KCTD5: variants seen among roughly 807,000 people sequenced by gnomAD.
KCTD5 encodes potassium channel tetramerization domain containing 5.
KCTD5 carries 12 observed loss-of-function variants against 27.9 expected under a neutral mutation model. That is an observed-to-expected ratio of 0.43 (90% CI 0.28 to 0.70). KCTD5 has a LOEUF of 0.70. Among genes scored for constraint, KCTD5 ranks in the 30% least tolerant of loss-of-function variants. KCTD5 has a pLI of 0.19. For synonymous variants in KCTD5, 147 were observed against 121.4 expected, an observed-to-expected ratio of 1.21 and a Z score of -1.39; for missense variants, 226 against 274.8, an observed-to-expected ratio of 0.82 and a Z score of 1.26.
At chr16:2,703,366 G>A (rs991729061) in intron 5 of KCTD5, among the ~76,000 whole-genome samples, 2 of 152,262 alleles carry the variant, frequency 1.3e-5, no homozygotes, top group Non-Finnish European at 2.9e-5. Context: ...AGCCTGGGTG[G>A]TGGGGCGGGC....
At chr16:2,688,584 G>A (rs1340568662) in intron 1 of KCTD5, among the ~76,000 whole-genome samples, 7 of 148,428 alleles carry the variant, frequency 4.7e-5, no homozygotes, top group East Asian at 4.0e-4. Flanking sequence ...TTCCCCTCCC[G>A]CAGCCACACT....
At chr16:2,688,021 A>G (rs748376395) in intron 1 of KCTD5, among the ~76,000 whole-genome samples, 3 of 151,560 alleles carry the variant, frequency 2.0e-5, no homozygotes, top group Non-Finnish European at 4.4e-5. Context: ...CTGCCTTATG[A>G]CTTGGGGTGA....
intron 2 of KCTD5, chr16:2,697,168 C>G (rs910510905): frequency 6.6e-6 from 1 of 152,510 alleles, no homozygotes; most frequent in African/African-American, 2.4e-5. Flanking sequence ...TGGCCCTGTC[C>G]CATGTAGGTG....
chr16:2,690,935 G>A (rs1389575220), intron 1 of KCTD5, among the ~76,000 whole-genome samples: 1 of 152,222 alleles, frequency 6.6e-6, no homozygotes, highest in Non-Finnish European at 1.5e-5. Context: ...CAGGGTGGAG[G>A]CTGATCCACA....
intron 3 of KCTD5, 87 bp from the exon 4 acceptor site, chr16:2,699,734 C>T: frequency 8.0e-7 from 1 of 1,244,786 alleles, no homozygotes; most frequent in Admixed American, 1.7e-5. Flanking sequence ...GAGTGGACCT[C>T]AGCCTCCCTG....
chr16:2,690,241 C>T (rs115405593), intron 1 of KCTD5, among the ~76,000 whole-genome samples: 4,375 of 152,340 alleles, frequency 0.029, 220 homozygotes, highest in African/African-American at 0.1. Context: ...AGTCTTCCTC[C>T]GTCTGCCAGG....
rs566686553 is a variant in KCTD5 at position 2,701,741 on chromosome 16, C to T, written c.550-612C>T. ...GATTTGCGTATTGCCTTTTAATTTT[C>T]CCTTTAAAAGCACAGAAGTGCCTGG... is the stretch of plus-strand genomic sequence containing the variant. On this transcript the variant is annotated intron_variant, in intron 4 of 5. Coordinates refer to ENST00000301738, the MANE Select transcript of KCTD5 (RefSeq NM_018992.4). Among the ~76,000 whole-genome samples, 4 of 152,332 alleles carry T rather than the reference C, an allele frequency of 2.6e-5. No homozygotes were observed. In the South Asian group the frequency reaches 6.2e-4, roughly 24 times the overall value.
chr16:2,687,317 C>T (rs758002962), intron 1 of KCTD5, among the ~76,000 whole-genome samples: 7 of 152,198 alleles, frequency 4.6e-5, no homozygotes, highest in Non-Finnish European at 7.3e-5. Flanking sequence ...GAGCTTGTTT[C>T]GGGGCACCTG....
At chr16:2,686,900 C>T (rs1355326308) in intron 1 of KCTD5, among the ~76,000 whole-genome samples, 3 of 152,324 alleles carry the variant, frequency 2.0e-5, no homozygotes, top group African/African-American at 7.2e-5. Context: ...AGATGATGTT[C>T]TGTGTAGCCA....
chr16:2,687,663 C>G (rs1417196718), intron 1 of KCTD5, among the ~76,000 whole-genome samples: 3 of 152,336 alleles, frequency 2.0e-5, no homozygotes, highest in African/African-American at 7.2e-5. Context: ...CCTGGTCTCG[C>G]CCCGGCCCTG....
At chr16:2,707,226 T>C (rs1289776875) in intron 5 of KCTD5, 72 bp from the exon 6 acceptor site, 2 of 1,481,062 alleles carry the variant, frequency 1.4e-6, no homozygotes, top group Admixed American at 1.8e-5. Context: ...GGCTCTGTTT[T>C]CTGGAGCAGG....
intron 1 of KCTD5, among the ~76,000 whole-genome samples, chr16:2,693,689 C>T (rs2067577072): frequency 3.9e-5 from 6 of 152,244 alleles, no homozygotes. Context: ...AGCACGCTTC[C>T]TTCTCCTCTT....
chr16:2,701,463 G>A (rs560293394), intron 4 of KCTD5, among the ~76,000 whole-genome samples: 140 of 152,306 alleles, frequency 9.2e-4, no homozygotes, highest in African/African-American at 3.3e-3. Flanking sequence ...CAGGGGCTCC[G>A]GGGGGCATGG....
At chr16:2,687,237 G>T (rs542270170) in intron 1 of KCTD5, among the ~76,000 whole-genome samples, 2 of 152,332 alleles carry the variant, frequency 1.3e-5, no homozygotes, top group East Asian at 3.9e-4. Context: ...GTGATGAAAT[G>T]GAACGTTTCT....
intron 1 of KCTD5, among the ~76,000 whole-genome samples, chr16:2,687,736 T>G (rs2067546432): frequency 6.6e-6 from 1 of 150,806 alleles, no homozygotes; most frequent in African/African-American, 2.5e-5. Flanking sequence ...TTGGTTCTTT[T>G]AGCAGCCCCC....
At chr16:2,703,637 C>G (rs767666996) in intron 5 of KCTD5, among the ~76,000 whole-genome samples, 1 of 152,194 alleles carries the variant, frequency 6.6e-6, no homozygotes. Flanking sequence ...CTCTCGGAGG[C>G]CTGCGGCCAG....
chr16:2,706,785 G>A (rs1250079768), intron 5 of KCTD5, among the ~76,000 whole-genome samples: 1 of 151,700 alleles, frequency 6.6e-6, no homozygotes, highest in Non-Finnish European at 1.5e-5. Context: ...GCTGGTGGTT[G>A]TTCCATGGGG....
chr16:2,690,696 G>A (rs1205110425), intron 1 of KCTD5, among the ~76,000 whole-genome samples: 4 of 152,190 alleles, frequency 2.6e-5, no homozygotes, highest in South Asian at 2.1e-4. Context: ...AGGCGTGAGC[G>A]GGCCGGGGCA....
At chr16:2,684,224 C>T (rs1246896924) in intron 1 of KCTD5, 5 of 152,004 alleles carry the variant, frequency 3.3e-5, no homozygotes, top group Non-Finnish European at 7.4e-5. Flanking sequence ...GTTTAAATTG[C>T]TCTTGTCCAT....
Sources: allele counts gnomAD v4.1 joint callset (sites outside exome capture counted in the v4.1 genomes callset), GRCh38; gene constraint gnomAD v4.1.1; transcripts MANE v1.5; gene names NCBI Gene and HGNC (gene_info 2026-07-23, HGNC 2026-07-21).